Variants in XKR9 observed in about 807,000 individuals in gnomAD.
XKR9 encodes XK-related protein 9.
Under a neutral mutation model 32.0 loss-of-function variants are expected in XKR9, and 32 were observed. The observed-to-expected ratio is 1.00, with a 90% CI of 0.76 to 1.34. The LOEUF (loss-of-function observed/expected upper bound fraction) is 1.34. XKR9 is among the 40% of genes most tolerant of loss of function. XKR9 has a pLI of 0.00. For synonymous variants in XKR9, 168 were observed against 143.4 expected (o/e 1.17, Z -1.22); for missense variants, 546 against 429.7 (o/e 1.27, Z -2.39).
chr8:71,033,664 G>A, the XKR9 span, among the ~76,000 whole-genome samples: 1 of 152,170 alleles, frequency 6.6e-6, no homozygotes, highest in Non-Finnish European at 1.5e-5. Context: ...GTTCCCAAGA[G>A]AGCAGGTCAT....
the XKR9 span, among the ~76,000 whole-genome samples, chr8:70,860,466 T>C: frequency 1.3e-5 from 2 of 152,162 alleles, no homozygotes; most frequent in Non-Finnish European, 2.9e-5. Flanking sequence ...TTTTTGTTTA[T>C]AAGCCACCAA....
At chr8:70,718,348 A>G (rs919036544) in intron 4 of XKR9, among the ~76,000 whole-genome samples, 15 of 152,082 alleles carry the variant, frequency 9.9e-5, no homozygotes, top group African/African-American at 3.6e-4. Flanking sequence ...GTACATGTGC[A>G]GAATGTGCAG....
the XKR9 span, among the ~76,000 whole-genome samples, chr8:70,828,799 C>T: frequency 1.3e-5 from 2 of 150,416 alleles, no homozygotes; most frequent in South Asian, 2.1e-4. Flanking sequence ...CTTTCACAAA[C>T]ATGAAGGTTA....
intron 4 of XKR9, among the ~76,000 whole-genome samples, chr8:70,710,515 A>T (rs867744508): frequency 6.6e-6 from 1 of 152,136 alleles, no homozygotes; most frequent in Non-Finnish European, 1.5e-5. Context: ...AGCCTGGCCA[A>T]CATGGTGAAA....
the XKR9 span, among the ~76,000 whole-genome samples, chr8:70,860,937 A>G: frequency 6.6e-6 from 1 of 152,164 alleles, no homozygotes; most frequent in African/African-American, 2.4e-5. Context: ...AGTACTAAAC[A>G]CAGCACTAAA....
At chr8:70,932,186 G>C in the XKR9 span, among the ~76,000 whole-genome samples, 3 of 151,532 alleles carry the variant, frequency 2.0e-5, no homozygotes, top group African/African-American at 7.3e-5. Flanking sequence ...AATTAATATA[G>C]ATATTAATTA....
intron 2 of XKR9, among the ~76,000 whole-genome samples, chr8:70,766,717 G>A (rs1248395076): frequency 6.6e-6 from 1 of 152,154 alleles, no homozygotes; most frequent in Non-Finnish European, 1.5e-5. Flanking sequence ...CATTCAGTAT[G>A]ATATTGGCTG....
the XKR9 span, among the ~76,000 whole-genome samples, chr8:70,917,703 T>A: frequency 6.6e-6 from 1 of 152,246 alleles, no homozygotes; most frequent in South Asian, 2.1e-4. Flanking sequence ...ACTGTCGTAA[T>A]CTTTAAAAGT....
At chr8:70,831,993 C>G in the XKR9 span, among the ~76,000 whole-genome samples, 3 of 152,142 alleles carry the variant, frequency 2.0e-5, no homozygotes, top group Non-Finnish European at 4.4e-5. Flanking sequence ...TTCTTGGTTC[C>G]TATCCCATAA....
At chr8:70,758,547 T>G (rs139831367) in intron 2 of XKR9, among the ~76,000 whole-genome samples, 62 of 152,298 alleles carry the variant, frequency 4.1e-4, no homozygotes, top group African/African-American at 1.5e-3. Flanking sequence ...TAATAATAAC[T>G]TTTTAAAAAA....
chr8:70,944,710 T>C, the XKR9 span, among the ~76,000 whole-genome samples: 1 of 152,122 alleles, frequency 6.6e-6, no homozygotes, highest in African/African-American at 2.4e-5. Context: ...AAAGACACAA[T>C]CAGAACATTT....
At chr8:70,876,469 T>TC in the XKR9 span, among the ~76,000 whole-genome samples, 245 of 152,220 alleles carry the variant, frequency 1.6e-3, 3 homozygotes, top group Non-Finnish European at 1.3e-3. Context: ...GCACACTTTT[T>TC]CTCTCTTGAC....
At chr8:70,915,602 T>C in the XKR9 span, among the ~76,000 whole-genome samples, 62 of 152,182 alleles carry the variant, frequency 4.1e-4, no homozygotes, top group African/African-American at 1.4e-3. Flanking sequence ...TTATTGCTTT[T>C]TCATATTAAT....
At chr8:70,786,826 T>A (rs1807694909) in intron 2 of XKR9, among the ~76,000 whole-genome samples, 1 of 152,146 alleles carries the variant, frequency 6.6e-6, no homozygotes, top group African/African-American at 2.4e-5. Context: ...TCTTGTTGTT[T>A]TGGATATACA....
chr8:70,929,049 T>C, the XKR9 span, among the ~76,000 whole-genome samples: 1 of 152,158 alleles, frequency 6.6e-6, no homozygotes, highest in Admixed American at 6.6e-5. Flanking sequence ...ATCATAGTAG[T>C]AAAAATGCAA....
the XKR9 span, among the ~76,000 whole-genome samples, chr8:70,830,065 A>C: frequency 6.6e-6 from 1 of 152,116 alleles, no homozygotes; most frequent in Non-Finnish European, 1.5e-5. Flanking sequence ...ATTGGTTATA[A>C]ATGTTTCTTC....
the XKR9 span, among the ~76,000 whole-genome samples, chr8:70,963,962 A>G: frequency 6.6e-6 from 1 of 152,142 alleles, no homozygotes; most frequent in African/African-American, 2.4e-5. Flanking sequence ...GAAGCTCTTT[A>G]GTTTAATTAG....
the XKR9 span, among the ~76,000 whole-genome samples, chr8:70,967,754 A>G: frequency 3.3e-5 from 5 of 152,114 alleles, no homozygotes; most frequent in African/African-American, 1.2e-4. Context: ...AGAATGTTGA[A>G]TATTGGCTCC....
the XKR9 span, among the ~76,000 whole-genome samples, chr8:70,922,405 A>G: frequency 6.6e-6 from 1 of 152,220 alleles, no homozygotes; most frequent in African/African-American, 2.4e-5. Context: ...ACTACAGATA[A>G]TTCCATTGAT....
Sources: allele counts gnomAD v4.1 joint callset (sites outside exome capture counted in the v4.1 genomes callset), GRCh38; gene constraint gnomAD v4.1.1; transcripts MANE v1.5; gene names NCBI Gene and HGNC (gene_info 2026-07-23, HGNC 2026-07-21).